The following VLDLR variants were observed in gnomAD, a reference collection of about 807,000 sequenced individuals.
VLDLR encodes very low-density lipoprotein receptor.
In VLDLR, 81 loss-of-function variants were observed where a neutral mutation model predicts 112.7. The ratio of observed to expected loss-of-function variants is 0.72; its 90% CI spans 0.60 to 0.86. The LOEUF (loss-of-function observed/expected upper bound fraction) is 0.86, where lower values mean the gene tolerates loss of function less well. Ranked by LOEUF, VLDLR falls within the 40% of genes least tolerant of loss-of-function variation. The pLI is 0.00. For missense variants in VLDLR, 1,237 were observed against 1,099.4 expected, an observed-to-expected ratio of 1.13 and a Z score of -1.77; for synonymous variants, 436 against 384.8, an observed-to-expected ratio of 1.13 and a Z score of -1.56.
chr9:2,629,945 T>C (rs760647743), intron 1 of VLDLR, among the ~76,000 whole-genome samples: 11 of 152,130 alleles, frequency 7.2e-5, no homozygotes, highest in Non-Finnish European at 1.3e-4. Context: ...TACAGGTGTG[T>C]GTAATGCCTG....
intron 1 of VLDLR, 91 bp from the exon 2 acceptor site, chr9:2,635,362 A>G (rs761708130): frequency 6.3e-7 from 1 of 1,598,498 alleles, no homozygotes. Context: ...AGTCTGCAGT[A>G]TCCTTCTGAG....
At chr9:2,651,249 A>G (rs2130807239) in intron 15 of VLDLR, among the ~76,000 whole-genome samples, 166 bp from the exon 16 acceptor site, 1 of 152,294 alleles carries the variant, frequency 6.6e-6, no homozygotes, top group Admixed American at 6.5e-5. Context: ...TTTTTGCATG[A>G]AGATTGCTAT....
chr9:2,643,929 G>A lies in VLDLR; in HGVS notation c.1036G>A (p.Asp346Asn), dbSNP rs755556422. Reference protein sequence around the residue: ...KVCNQEQDCRDWSDEPLKECH... With the variant: ...KVCNQEQDCRNWSDEPLKECH... ...ATGTAACCAGGAGCAGGACTGCAGG[G>A]ACTGGAGTGATGAGCCCCTGAAAGA... is the stretch of plus-strand genomic sequence containing the variant. The change falls in exon 7 of 19, where the codon GAC becomes AAC. Residue 346 changes from aspartate to asparagine, a missense_variant. Asp to Asn is a conservative substitution (Grantham distance 23). Coordinates refer to ENST00000382100, the MANE Select transcript of VLDLR (RefSeq NM_003383.5). The A allele has an allele frequency of 1.9e-6, 3 of 1,614,102 alleles. No homozygotes were observed. The highest frequency in any genetic ancestry group is 2.5e-6 in the Non-Finnish European group (3 of 1,180,020).
chr9:2,622,500 G>A (rs1302951884), intron 1 of VLDLR: 1 of 445,136 alleles, frequency 2.2e-6, no homozygotes, highest in South Asian at 5.3e-5. Flanking sequence ...CGCCTCGCCT[G>A]AACTAGTCTT....
Position 2,653,381 on chromosome 9 carries a change from A to T in VLDLR, c.2586+432A>T, listed in dbSNP as rs1015598494. The stretch of plus-strand genomic sequence containing the variant: ...ATGCTTTGCTTTAAAAAGGTATCCC[A>T]CCGCCCTTAGTATAGCTAGCTTTTC... On this transcript the variant is annotated intron_variant, in intron 18 of 18. Coordinates refer to ENST00000382100, the MANE Select transcript of VLDLR (RefSeq NM_003383.5). 2.6e-5 allele frequency among the ~76,000 whole-genome samples: 4 copies of T among 152,174 alleles called. No individual in the cohort carries two copies. In the East Asian group the frequency reaches 7.7e-4, roughly 29 times the overall value.
rs146258996 is a variant in VLDLR, at chr9:2,646,445, G to A, written c.1596G>A (p.Ala532=). 6.9e-5 allele frequency: 111 copies of A among 1,614,064 alleles called. No individual in the cohort carries two copies. In the African/African-American group the frequency reaches 9.3e-4, roughly 14 times the overall value. The change falls in exon 11 of 19, where the codon GCG becomes GCA. Residue 532 remains alanine, a synonymous_variant. Transcript: ENST00000382100. ...WVYKTIYWTD[A]ASKTISVATL... is the part of the protein sequence containing the mutation. Reference sequence around the variant, plus strand: ...ACAAGACCATCTACTGGACTGATGCGGCTTCTAAGACTATTTCAGTAGCTA... The same window carrying A: ...ACAAGACCATCTACTGGACTGATGCAGCTTCTAAGACTATTTCAGTAGCTA...
chr9:2,643,958 T>C lies in VLDLR; in HGVS notation c.1065T>C (p.Cys355=), dbSNP rs1817943594. The C allele has an allele frequency of 6.2e-7, 1 of 1,613,782 alleles. No individual in the cohort carries two copies. Among genetic ancestry groups the C allele is most frequent in the South Asian group, 1.1e-5 (1 of 91,064 alleles). ...RDWSDEPLKE[C]HINECLVNNG... is the part of the protein sequence containing the mutation. ...GGAGTGATGAGCCCCTGAAAGAGTG[T>C]CGTAAGTGTACTTGTTGTTCAAGTA... Residue 355 remains cysteine, a splice_region_variant and synonymous_variant, in exon 7 of 19, where the codon TGT becomes TGC. Coordinates refer to ENST00000382100, the MANE Select transcript of VLDLR (RefSeq NM_003383.5).
chr9:2,643,157 T>C lies in VLDLR; in HGVS notation c.449-3T>C, dbSNP rs946328271. The C allele has an allele frequency of 2.5e-6, 4 of 1,609,608 alleles. No homozygotes were observed. The highest frequency in any genetic ancestry group is 2.2e-5 in the East Asian group (1 of 44,898). On this transcript the variant is annotated splice_region_variant and splice_polypyrimidine_tract_variant and intron_variant, in intron 4 of 18. Coordinates refer to ENST00000382100, the MANE Select transcript of VLDLR (RefSeq NM_003383.5). ...TTCAGTGGGGCATCCTCTCTCTTAATAGGCAATATAACATGTAGTCCCGAC... is the reference window on the plus strand; with the variant it reads ...TTCAGTGGGGCATCCTCTCTCTTAACAGGCAATATAACATGTAGTCCCGAC...
rs1160823553 is a variant in VLDLR at position 2,656,988 on chromosome 9, G to A, written c.*3120G>A. 3 of 146,814 alleles carry A rather than the reference G, an allele frequency of 2.0e-5. No individual in the cohort carries two copies. Among genetic ancestry groups the A allele is most frequent in the East Asian group, 4.1e-4 (2 of 4,910 alleles). 9.1% of individuals were successfully genotyped at this position (146,814 alleles called of 1,614,324 possible). A position where few individuals can be genotyped will look rare whatever the true frequency, so the allele number is the denominator to read the frequency against. ...AAAAAAAATTGAGGCTTTCACTTTG[G>A]CATTTGCTTCTGTTCCTTGTATCTG... On this transcript the variant is annotated 3_prime_UTR_variant, in exon 19 of 19. Coordinates refer to ENST00000382100, the MANE Select transcript of VLDLR (RefSeq NM_003383.5).
intron 1 of VLDLR, among the ~76,000 whole-genome samples, chr9:2,623,100 G>C (rs1816910491): frequency 6.6e-6 from 1 of 152,236 alleles, no homozygotes; most frequent in Admixed American, 6.5e-5. Flanking sequence ...TCCTAGGCTA[G>C]TGACTGTAAT....
rs1405565151 is a variant in VLDLR at position 2,643,202 on chromosome 9, G to T, written c.491G>T (p.Gly164Val). Residue 164 changes from glycine (G) to valine (V), a missense_variant, in exon 5 of 19, where the codon GGC (glycine) becomes GTC (valine). Transcript: ENST00000382100. ...CSPDEFTCSS[G>V]RCISRNFVCN... The stretch of plus-strand genomic sequence containing the variant: ...CCCGACGAGTTCACCTGCTCCAGTG[G>T]CCGCTGCATCTCCAGGAACTTTGTA... The T allele has an allele frequency of 6.2e-7, 1 of 1,613,598 alleles. No homozygotes were observed. The highest frequency in any genetic ancestry group is 1.1e-5 in the South Asian group (1 of 91,036).
intron 16 of VLDLR, 82 bp downstream of exon 16, chr9:2,651,580 C>A: frequency 1.6e-6 from 2 of 1,261,618 alleles, no homozygotes; most frequent in Non-Finnish European, 2.3e-6. Context: ...ATTAATGCAG[C>A]CTTTAACTAC....
chr9:2,656,208 G>C lies in VLDLR; in HGVS notation c.*2340G>C, dbSNP rs943218169. 24 of 151,852 alleles carry C rather than the reference G, an allele frequency of 1.6e-4. No individual in the cohort carries two copies. The highest frequency in any genetic ancestry group is 5.8e-4 in the African/African-American group (24 of 41,316). The allele number at this position is 151,852 out of a possible 1,614,324, so 9.4% of individuals were successfully genotyped here. On this transcript the variant is annotated 3_prime_UTR_variant, in exon 19 of 19. Coordinates refer to ENST00000382100, the MANE Select transcript of VLDLR (RefSeq NM_003383.5). ...ATTTTTTTTTACCACGTCCTCCCCA[G>C]TAAGAAGCCAAGGTACAACTCATTG...
chr9:2,635,876 T>C (rs1253827767), intron 2 of VLDLR, among the ~76,000 whole-genome samples: 1 of 152,156 alleles, frequency 6.6e-6, no homozygotes, highest in East Asian at 1.9e-4. Context: ...AGAAGATTGC[T>C]TAGAAGGGGC....
At chr9:2,636,077 C>T (rs978134502) in intron 2 of VLDLR, among the ~76,000 whole-genome samples, 1 of 152,142 alleles carries the variant, frequency 6.6e-6, no homozygotes, top group Non-Finnish European at 1.5e-5. Context: ...AATTCTAAAG[C>T]ATTAGCAGGG....
chr9:2,645,814 A>G, intron 10 of VLDLR, 69 bp downstream of exon 10: 2 of 1,585,806 alleles, frequency 1.3e-6, no homozygotes, highest in East Asian at 2.2e-5. Context: ...TCTGTGGGAT[A>G]GTTTGGAGGA....
chr9:2,641,536 C>T (rs774660608), intron 4 of VLDLR, 37 bp downstream of exon 4: 1 of 1,613,234 alleles, frequency 6.2e-7, no homozygotes, highest in Admixed American at 1.7e-5. Context: ...AACCCAAAGA[C>T]CCTTTTCCTA....
At chr9:2,643,063 A>G in intron 4 of VLDLR, 97 bp from the exon 5 acceptor site, 1 of 1,573,254 alleles carries the variant, frequency 6.4e-7, no homozygotes, top group Non-Finnish European at 8.6e-7. Context: ...GTAAGTTAGG[A>G]TTAATGAATA....
At position 2,645,734 on chromosome 9, in the gene VLDLR, G is replaced by T; in HGVS notation, c.1473G>T (p.Lys491Asn). The T allele has an allele frequency of 6.2e-7, 1 of 1,614,174 alleles. No homozygotes were observed. Among genetic ancestry groups the T allele is most frequent in the Non-Finnish European group, 8.5e-7 (1 of 1,180,032 alleles). Residue 491 changes from lysine to asparagine, a missense_variant, in exon 10 of 19, where the codon AAG becomes AAT. Coordinates refer to ENST00000382100, the MANE Select transcript of VLDLR (RefSeq NM_003383.5). ...TATTCTGGGCCGATCTAAGCCAAAA[G>T]GCTATCTTCAGGTAACTTTCAGTTC... ...QKLFWADLSQ[K>N]AIFSASIDDK...
Sources: allele counts gnomAD v4.1 joint callset (sites outside exome capture counted in the v4.1 genomes callset), GRCh38; gene constraint gnomAD v4.1.1; transcripts MANE v1.5; gene names NCBI Gene and HGNC (gene_info 2026-07-23, HGNC 2026-07-21).